PTPRN2: variants seen among roughly 807,000 people sequenced by gnomAD.
The protein encoded by PTPRN2 is receptor-type tyrosine-protein phosphatase N2.
PTPRN2 carries 74 observed loss-of-function variants against 118.8 expected under a neutral mutation model. The observed-to-expected ratio is 0.62, with a 90% CI of 0.52 to 0.76. The LOEUF is 0.76. Ranked by LOEUF, PTPRN2 falls within the 30% of genes least tolerant of loss-of-function variation. The pLI, the probability that PTPRN2 is intolerant of heterozygous loss-of-function variation, is 0.00. For synonymous variants in PTPRN2, 641 were observed against 608.0 expected (o/e 1.05, Z -0.80); for missense variants, 1,481 against 1,394.4 (o/e 1.06, Z -0.99).
rs1287297883 is a variant in PTPRN2 at position 157,868,581 on chromosome 7, T to C, written c.1788+30092A>G. The C allele has an allele frequency of 6.6e-6, 1 of 152,114 alleles. No homozygotes were observed. Among genetic ancestry groups the C allele is most frequent in the Non-Finnish European group, 1.5e-5 (1 of 68,020 alleles). The allele number at this position is 152,114 out of a possible 1,614,324, so 9.4% of individuals were successfully genotyped here. A position where few individuals can be genotyped will look rare whatever the true frequency, so the allele number is the denominator to read the frequency against. On this transcript the variant is annotated intron_variant, in intron 12 of 22. Transcript: ENST00000389418. This position sits in a 1 kb window ranked among gnomAD's most constrained non-coding sequence, Gnocchi z 5.2. ...TTTAAAGGGAAGAAAGTATGACACA[T>C]GGAGAAAAAGGTGCAGCCCATTTCC...
intron 1 of PTPRN2, among the ~76,000 whole-genome samples, chr7:158,587,175 C>A: frequency 7.0e-6 from 1 of 142,758 alleles, no homozygotes; most frequent in Non-Finnish European, 1.5e-5. Context: ...CCGAGACGCC[C>A]CTCCCCTAAA....
At chr7:157,789,096 G>C (rs1804264487) in intron 12 of PTPRN2, among the ~76,000 whole-genome samples, 1 of 152,234 alleles carries the variant, frequency 6.6e-6, no homozygotes, top group Non-Finnish European at 1.5e-5. Flanking sequence ...ATTCTAGGAG[G>C]TCAGCAACTT....
rs1183543502 is a variant in PTPRN2, at chr7:157,801,580, G to A, written c.1788+97093C>T. ...AGTATAGGTAAAAACATCTTAGCCT[G>A]CATGAAAACAAACATCATCTTAGAA... On this transcript the variant is annotated intron_variant, in intron 12 of 22. Transcript: ENST00000389418. This position sits in a 1 kb window ranked among gnomAD's most constrained non-coding sequence, Gnocchi z 4.2. 6.6e-6 allele frequency among the ~76,000 whole-genome samples: 1 copy of A among 152,132 alleles called. No homozygotes were observed. Among genetic ancestry groups the A allele is most frequent in the Non-Finnish European group, 1.5e-5 (1 of 68,028 alleles).
At chr7:158,122,400 C>T (rs964452241) in intron 9 of PTPRN2, among the ~76,000 whole-genome samples, 1 of 152,192 alleles carries the variant, frequency 6.6e-6, no homozygotes, top group South Asian at 2.1e-4. Context: ...GACAGTGTCC[C>T]TCTTCCACGG....
intron 12 of PTPRN2, among the ~76,000 whole-genome samples, chr7:157,860,337 G>T (rs1217870957): frequency 1.3e-5 from 2 of 152,246 alleles, no homozygotes; most frequent in Non-Finnish European, 2.9e-5. Flanking sequence ...TGACCCCAGA[G>T]AAGCAGCCCA....
At chr7:158,418,266 C>T (rs1265594918) in intron 2 of PTPRN2, among the ~76,000 whole-genome samples, 1 of 147,982 alleles carries the variant, frequency 6.8e-6, no homozygotes, top group Non-Finnish European at 1.5e-5. Context: ...TCATGGTGTA[C>T]TACATCGAGA....
In PTPRN2 at chr7:158,071,415, CTGGTGGTGGAGGTGCTCG is replaced by C. The variant is rs1305955545; in HGVS notation, c.1723+9865_1723+9882del. On this transcript the variant is annotated intron_variant, in intron 11 of 22. Transcript: ENST00000389418. The stretch of plus-strand genomic sequence containing the variant: ...GGAGGTGCTCGTGGTGGAGTTGCTC[CTGGTGGTGGAGGTGCTCG>C]TGGTGGTGGAGGTGCTCGTGGTTGA... Among the ~76,000 whole-genome samples, 95 of 11,482 alleles carry C rather than the reference CTGGTGGTGGAGGTGCTCG, an allele frequency of 8.3e-3. 5 individuals carry two copies. The highest frequency in any genetic ancestry group is 0.026 in the South Asian group (6 of 232). The allele number at this position is 11,482 out of a possible 152,430, so 7.5% of individuals were successfully genotyped here.
At chr7:158,366,256 A>ACACACACC (rs1381965055) in intron 2 of PTPRN2, among the ~76,000 whole-genome samples, 1 of 146,472 alleles carries the variant, frequency 6.8e-6, no homozygotes, top group Non-Finnish European at 1.5e-5. Flanking sequence ...GTGCACATGC[A>ACACACACC]CACACACCCA....
intron 2 of PTPRN2, among the ~76,000 whole-genome samples, chr7:158,442,979 T>C (rs1404745670): frequency 6.7e-6 from 1 of 149,578 alleles, no homozygotes; most frequent in Non-Finnish European, 1.5e-5. Context: ...ATCTAGAGCA[T>C]AGTCTTTGGC....
At chr7:158,484,817 G>C (rs772015190) in intron 2 of PTPRN2, among the ~76,000 whole-genome samples, 2 of 152,156 alleles carry the variant, frequency 1.3e-5, no homozygotes, top group African/African-American at 4.8e-5. Flanking sequence ...CATCACAGAC[G>C]TCCTCGGTTC....
rs1259425891 is a variant in PTPRN2, at chr7:158,546,332, CG to C, written c.112+41225del. ...TTCACGCCTGCCCGGAGACGGGGTC[CG>C]CGAGGTGCCAGCTTTGCACTGTCAA... is the stretch of plus-strand genomic sequence containing the variant. On this transcript the variant is annotated intron_variant, in intron 1 of 22. Transcript: ENST00000389418. The surrounding 1 kb of genome is among the most constrained non-coding windows in gnomAD (Gnocchi z 5.0). Among the ~76,000 whole-genome samples the C allele has an allele frequency of 6.6e-6, 1 of 152,204 alleles. No homozygotes were observed. The highest frequency in any genetic ancestry group is 1.5e-5 in the Non-Finnish European group (1 of 68,036).
At chr7:158,434,870 A>G (rs1051674262) in intron 2 of PTPRN2, among the ~76,000 whole-genome samples, 1 of 152,194 alleles carries the variant, frequency 6.6e-6, no homozygotes, top group African/African-American at 2.4e-5. Context: ...ATCACATCCC[A>G]CATGGTGTCA....
intron 3 of PTPRN2, among the ~76,000 whole-genome samples, chr7:158,222,287 C>T (rs13234832): frequency 0.31 from 47,473 of 152,052 alleles, 9,736 homozygotes; most frequent in African/African-American, 0.59. Flanking sequence ...ACATTCATCA[C>T]GGTATTATTC....
chr7:157,865,984 C>T (rs1810638373), intron 12 of PTPRN2: 1 of 152,458 alleles, frequency 6.6e-6, no homozygotes, highest in African/African-American at 2.4e-5. Flanking sequence ...GCTCCCCGGC[C>T]TCCTTCCCCG....
At chr7:158,452,555 C>T (rs900249095) in intron 2 of PTPRN2, among the ~76,000 whole-genome samples, 4 of 152,136 alleles carry the variant, frequency 2.6e-5, no homozygotes, top group Non-Finnish European at 5.9e-5. Context: ...CTCCTGCCAC[C>T]CCACCGATTT....
At chr7:157,932,635 A>G (rs1309488312) in intron 11 of PTPRN2, among the ~76,000 whole-genome samples, 4 of 151,530 alleles carry the variant, frequency 2.6e-5, no homozygotes. Flanking sequence ...GGGTTGGGTC[A>G]TTCTGACAGT....
intron 10 of PTPRN2, among the ~76,000 whole-genome samples, chr7:158,085,613 G>A (rs867038087): frequency 1.2e-4 from 11 of 90,666 alleles, no homozygotes; most frequent in Middle Eastern, 0.011. Context: ...CACCCACGAC[G>A]CCCATCCACA....
At chr7:157,620,513 C>T (rs940562839) in intron 15 of PTPRN2, among the ~76,000 whole-genome samples, 6 of 152,178 alleles carry the variant, frequency 3.9e-5, no homozygotes, top group Non-Finnish European at 5.9e-5. Flanking sequence ...TGCGACGTAC[C>T]GGTGCTATGC....
rs1177319838 is a variant in PTPRN2 at position 157,764,003 on chromosome 7, A to G, written c.1789-81066T>C. On this transcript the variant is annotated intron_variant, in intron 12 of 22. Coordinates refer to ENST00000389418, the MANE Select transcript of PTPRN2 (RefSeq NM_002847.5). The surrounding 1 kb of genome is among the most constrained non-coding windows in gnomAD (Gnocchi z 4.5). The stretch of plus-strand genomic sequence containing the variant: ...GTGAACACAGGGAAGCTTTAGTCGC[A>G]GCCACATGAGTGGAGCATGTGGAGG... Among the ~76,000 whole-genome samples, 2 of 152,210 alleles carry G rather than the reference A, an allele frequency of 1.3e-5. No homozygotes were observed. The highest frequency in any genetic ancestry group is 4.8e-5 in the African/African-American group (2 of 41,458).
Sources: allele counts gnomAD v4.1 joint callset (sites outside exome capture counted in the v4.1 genomes callset), GRCh38; gene constraint gnomAD v4.1.1; non-coding constraint Gnocchi (gnomAD v3.1); transcripts MANE v1.5; gene names NCBI Gene and HGNC (gene_info 2026-07-23, HGNC 2026-07-21).